Variants in WIF1 observed in about 807,000 individuals in gnomAD.
WIF1 encodes Wnt inhibitory factor 1.
WIF1 carries 35 observed loss-of-function variants against 53.5 expected under a neutral mutation model. That is an observed-to-expected ratio of 0.65 (90% CI 0.50 to 0.87). The LOEUF is 0.87. Ranked by LOEUF, WIF1 falls within the 40% of genes least tolerant of loss-of-function variation. WIF1 has a pLI of 0.00. For synonymous variants in WIF1, 171 were observed against 170.4 expected (o/e 1.00, Z -0.03); for missense variants, 467 against 476.8 (o/e 0.98, Z 0.19).
chr12:65,103,199 G>T (rs1213079516), intron 2 of WIF1, among the ~76,000 whole-genome samples: 1 of 152,116 alleles, frequency 6.6e-6, no homozygotes, highest in African/African-American at 2.4e-5. Context: ...TTGGCTAAAG[G>T]CCACTTACTG....
intron 2 of WIF1, among the ~76,000 whole-genome samples, chr12:65,089,238 C>T (rs1250424353): frequency 6.6e-6 from 1 of 152,124 alleles, no homozygotes; most frequent in Non-Finnish European, 1.5e-5. Flanking sequence ...GCATAATATA[C>T]CTATTACCCA....
intron 2 of WIF1, among the ~76,000 whole-genome samples, chr12:65,097,628 T>C (rs1883225296): frequency 6.6e-6 from 1 of 152,188 alleles, no homozygotes; most frequent in African/African-American, 2.4e-5. Context: ...CCAAGTCTTA[T>C]CATTTATTCA....
chr12:65,067,926 C>G, intron 4 of WIF1, 136 bp from the exon 5 acceptor site: 1 of 683,040 alleles, frequency 1.5e-6, no homozygotes, highest in Non-Finnish European at 2.4e-6. Flanking sequence ...ACCAGTACTT[C>G]CAACTCATTC....
At chr12:65,084,851 A>G (rs905500514) in intron 2 of WIF1, among the ~76,000 whole-genome samples, 2 of 152,188 alleles carry the variant, frequency 1.3e-5, no homozygotes, top group African/African-American at 2.4e-5. Flanking sequence ...TTTATGGGCC[A>G]AAAACTTCTC....
chr12:65,079,940 G>T (rs1274543579), intron 2 of WIF1, among the ~76,000 whole-genome samples: 5 of 152,012 alleles, frequency 3.3e-5, no homozygotes, highest in African/African-American at 1.2e-4. Flanking sequence ...CTAGAAGGAG[G>T]TTGCAAAAGA....
chr12:65,068,004 G>T (rs563814153), intron 4 of WIF1, among the ~76,000 whole-genome samples: 1 of 152,142 alleles, frequency 6.6e-6, no homozygotes, highest in African/African-American at 2.4e-5. Context: ...ATTTCCAACA[G>T]TAGGGGGCTC....
intron 3 of WIF1, among the ~76,000 whole-genome samples, chr12:65,074,808 A>G (rs1176111360): frequency 3.3e-5 from 3 of 91,798 alleles, no homozygotes; most frequent in East Asian, 3.3e-4. Context: ...ACAGAGGGAC[A>G]CTCTGTCTCA....
At chr12:65,083,803 TTTCCTTTC>T in intron 2 of WIF1, 4 of 365,502 alleles carry the variant, frequency 1.1e-5, no homozygotes, top group South Asian at 8.8e-5. Context: ...TTTCCTTTCC[TTTCCTTTC>T]CTTTCCTCTC....
chr12:65,059,316 G>T (rs1173657129), intron 7 of WIF1, among the ~76,000 whole-genome samples: 1 of 152,024 alleles, frequency 6.6e-6, no homozygotes, highest in Non-Finnish European at 1.5e-5. Context: ...GTCATCTCTG[G>T]GTTTTAGGAT....
intron 2 of WIF1, among the ~76,000 whole-genome samples, chr12:65,095,233 T>C (rs1011436284): frequency 2.0e-5 from 3 of 151,820 alleles, no homozygotes; most frequent in Admixed American, 2.0e-4. Context: ...GAGCCACTAG[T>C]GCCCAGCTTG....
intron 9 of WIF1, 29 bp from the exon 10 acceptor site, chr12:65,051,499 A>G: frequency 6.5e-7 from 1 of 1,547,194 alleles, no homozygotes; most frequent in Non-Finnish European, 8.7e-7. Flanking sequence ...CTTAAAAGGA[A>G]AGAAACTACA....
At chr12:65,082,046 A>G (rs1313969014) in intron 2 of WIF1, among the ~76,000 whole-genome samples, 1 of 152,136 alleles carries the variant, frequency 6.6e-6, no homozygotes, top group African/African-American at 2.4e-5. Flanking sequence ...CAGAGTAAAT[A>G]TATCCTTCAT....
chr12:65,057,125 A>G (rs1882540807), intron 7 of WIF1, among the ~76,000 whole-genome samples: 1 of 152,170 alleles, frequency 6.6e-6, no homozygotes, highest in Non-Finnish European at 1.5e-5. Context: ...AAGGAGGGAA[A>G]TGCAACACAA....
intron 2 of WIF1, among the ~76,000 whole-genome samples, chr12:65,117,169 C>T (rs781672110): frequency 6.6e-6 from 1 of 152,080 alleles, no homozygotes; most frequent in Non-Finnish European, 1.5e-5. Context: ...GAGGAACACT[C>T]TTGGACCTAA....
At chr12:65,086,139 A>C (rs1883033705) in intron 2 of WIF1, among the ~76,000 whole-genome samples, 1 of 131,590 alleles carries the variant, frequency 7.6e-6, no homozygotes, top group African/African-American at 2.5e-5. Flanking sequence ...TGTTCAGCTC[A>C]TCTAAAAATT....
intron 2 of WIF1, among the ~76,000 whole-genome samples, chr12:65,100,294 C>A (rs776687858): frequency 2.0e-5 from 3 of 152,110 alleles, no homozygotes; most frequent in Non-Finnish European, 4.4e-5. Flanking sequence ...GGGATCTTAA[C>A]AGCCCTGATG....
intron 2 of WIF1, among the ~76,000 whole-genome samples, chr12:65,105,328 CG>C (rs1384520641): frequency 6.6e-6 from 1 of 152,128 alleles, no homozygotes; most frequent in African/African-American, 2.4e-5. Flanking sequence ...CTGATTTCTA[CG>C]GGGACATGGG....
At chr12:65,078,007 C>T (rs1882891364) in intron 2 of WIF1, among the ~76,000 whole-genome samples, 153 bp from the exon 3 acceptor site, 1 of 152,134 alleles carries the variant, frequency 6.6e-6, no homozygotes, top group African/African-American at 2.4e-5. Context: ...GCACAACTCA[C>T]CCTTCTGTGT....
At position 65,062,507 on chromosome 12, in the gene WIF1, C is replaced by T. The variant is rs761097523; in HGVS notation, c.800G>A (p.Gly267Glu). The change falls in exon 7 of 10, where the codon GGA (glycine) becomes GAA (glutamate). Residue 267 changes from glycine to glutamate, a missense_variant. Physicochemically the swap from Gly to Glu is moderately conservative, Grantham distance 98 (BLOSUM62 -2). Coordinates refer to ENST00000286574, the MANE Select transcript of WIF1 (RefSeq NM_007191.5). Reference sequence around the variant, plus strand: ...GATTTCACACTGCTCTCCCTCTAGTCCTGGAGGGCAAATACATTTTCCAGG... The same window carrying T: ...GATTTCACACTGCTCTCCCTCTAGTTCTGGAGGGCAAATACATTTTCCAGG... Reference protein sequence around the residue: ...FYPGKCICPPGLEGEQCEISK... With the variant: ...FYPGKCICPPELEGEQCEISK... The T allele has an allele frequency of 6.2e-7, 1 of 1,608,074 alleles. No homozygotes were observed. Among genetic ancestry groups the T allele is most frequent in the Admixed American group, 1.7e-5 (1 of 59,448 alleles).
Sources: allele counts gnomAD v4.1 joint callset (sites outside exome capture counted in the v4.1 genomes callset), GRCh38; gene constraint gnomAD v4.1.1; transcripts MANE v1.5; gene names NCBI Gene and HGNC (gene_info 2026-07-23, HGNC 2026-07-21).